NAV2: variants seen among roughly 807,000 people sequenced by gnomAD.
The protein encoded by NAV2 is neuron navigator 2, also known as helicase, APC down-regulated 1.
A neutral mutation model predicts 223.2 loss-of-function variants in NAV2; 54 were observed. The observed-to-expected ratio is 0.24, with a 90% CI of 0.19 to 0.30. The LOEUF (loss-of-function observed/expected upper bound fraction) is 0.30, where lower values mean the gene tolerates loss of function less well. Ranked by LOEUF, NAV2 falls within the 10% of genes least tolerant of loss-of-function variation. The pLI is 1.00. For synonymous variants in NAV2, 1,279 were observed against 1,239.3 expected (o/e 1.03, Z -0.67); for missense variants, 2,806 against 3,147.5 (o/e 0.89, Z 2.60).
At chr11:19,804,763 T>C (rs543536197) in intron 1 of NAV2, among the ~76,000 whole-genome samples, 1 of 152,210 alleles carries the variant, frequency 6.6e-6, no homozygotes, top group Non-Finnish European at 1.5e-5. Context: ...TGTTAGAGAA[T>C]TTAACATGTG....
chr11:19,902,831 GAC>G (rs943101043), intron 6 of NAV2, among the ~76,000 whole-genome samples: 29 of 152,296 alleles, frequency 1.9e-4, no homozygotes, highest in African/African-American at 6.3e-4. Flanking sequence ...TTAGGTATTT[GAC>G]AGTGTTCAAC....
chr11:19,475,462 CT>C, intron 1 of NAV2, among the ~76,000 whole-genome samples: 1 of 152,304 alleles, frequency 6.6e-6, no homozygotes. Flanking sequence ...TGTTCAGAGG[CT>C]TTTGTCCAGG....
intron 1 of NAV2, among the ~76,000 whole-genome samples, chr11:19,753,543 G>A (rs2054005727): frequency 6.6e-6 from 1 of 152,184 alleles, no homozygotes; most frequent in Admixed American, 6.5e-5. Context: ...TCTCTGGGTT[G>A]CAGTAACCTC....
At chr11:19,928,841 T>C (rs746274337) in intron 6 of NAV2, among the ~76,000 whole-genome samples, 9 of 151,792 alleles carry the variant, frequency 5.9e-5, no homozygotes, top group Non-Finnish European at 1.3e-4. Context: ...ACGCCATGAG[T>C]TGGGGACAAA....
intron 1 of NAV2, among the ~76,000 whole-genome samples, chr11:19,533,216 A>C (rs1416781166): frequency 6.6e-6 from 1 of 151,582 alleles, no homozygotes; most frequent in Non-Finnish European, 1.5e-5. Context: ...TAACCTCAGC[A>C]CAATTGACGT....
At chr11:19,542,795 A>G (rs528675519) in intron 1 of NAV2, among the ~76,000 whole-genome samples, 56 of 152,338 alleles carry the variant, frequency 3.7e-4, no homozygotes, top group African/African-American at 1.3e-3. Context: ...AAGTTTGTCA[A>G]AGGTCTTGAG....
At chr11:19,776,341 C>G (rs550806552) in intron 1 of NAV2, among the ~76,000 whole-genome samples, 1 of 152,248 alleles carries the variant, frequency 6.6e-6, no homozygotes, top group East Asian at 1.9e-4. Flanking sequence ...GGGGAGGTCC[C>G]CAGTCCTCAA....
intron 1 of NAV2, among the ~76,000 whole-genome samples, chr11:19,481,006 C>T (rs996328041): frequency 2.6e-5 from 4 of 152,146 alleles, no homozygotes; most frequent in Admixed American, 1.3e-4. Flanking sequence ...AGATGGCCTT[C>T]GTGAGACATC....
At chr11:19,495,343 G>A (rs1277654529) in intron 1 of NAV2, among the ~76,000 whole-genome samples, 1 of 152,200 alleles carries the variant, frequency 6.6e-6, no homozygotes, top group Non-Finnish European at 1.5e-5. Context: ...TCTAAAGGGA[G>A]TGACAGGCTA....
At chr11:20,013,928 G>A (rs1255597234) in intron 11 of NAV2, among the ~76,000 whole-genome samples, 1 of 152,214 alleles carries the variant, frequency 6.6e-6, no homozygotes, top group African/African-American at 2.4e-5. Context: ...GAAGTGATTT[G>A]GCCAAAGTCA....
At chr11:19,640,061 C>T (rs771490312) in intron 1 of NAV2, among the ~76,000 whole-genome samples, 2 of 152,178 alleles carry the variant, frequency 1.3e-5, no homozygotes, top group African/African-American at 2.4e-5. Context: ...AACGAAGAAA[C>T]CTACTAAGCA....
intron 6 of NAV2, among the ~76,000 whole-genome samples, chr11:19,915,185 T>C (rs1408488052): frequency 1.3e-5 from 2 of 152,226 alleles, no homozygotes; most frequent in Admixed American, 1.3e-4. Context: ...TTCTAGCCAC[T>C]GTGCTTTCAA....
At chr11:19,983,419 C>A (rs2050474459) in intron 10 of NAV2, among the ~76,000 whole-genome samples, 1 of 152,314 alleles carries the variant, frequency 6.6e-6, no homozygotes, top group Non-Finnish European at 1.5e-5. Context: ...TGGCAACCCC[C>A]TGAAAACATC....
intron 3 of NAV2, among the ~76,000 whole-genome samples, chr11:19,860,563 A>T (rs1447520674): frequency 1.3e-5 from 2 of 150,636 alleles, no homozygotes; most frequent in African/African-American, 4.9e-5. Flanking sequence ...AGCCAGGCAG[A>T]GGGGCTCCTC....
chr11:19,424,918 G>A (rs1376371471), intron 1 of NAV2, among the ~76,000 whole-genome samples: 6 of 152,116 alleles, frequency 3.9e-5, no homozygotes, highest in African/African-American at 2.4e-5. Context: ...AAGTATTTAG[G>A]TTAAATTGGA....
At chr11:19,410,213 T>G (rs1038378068) in intron 1 of NAV2, among the ~76,000 whole-genome samples, 8 of 152,184 alleles carry the variant, frequency 5.3e-5, no homozygotes, top group African/African-American at 1.9e-4. Flanking sequence ...GTTATAAAGG[T>G]GGCAAACTTT....
intron 1 of NAV2, among the ~76,000 whole-genome samples, chr11:19,369,581 A>G (rs1281363038): frequency 6.6e-6 from 1 of 152,146 alleles, no homozygotes; most frequent in Non-Finnish European, 1.5e-5. Context: ...TGACTTCCTC[A>G]GAGATTTTCT....
intron 1 of NAV2, among the ~76,000 whole-genome samples, chr11:19,405,032 G>C (rs189250785): frequency 6.6e-6 from 1 of 152,118 alleles, no homozygotes; most frequent in African/African-American, 2.4e-5. Flanking sequence ...GAGGCAAAAG[G>C]CAGCTAACTT....
At chr11:19,725,603 T>C (rs1232820387) in intron 1 of NAV2, among the ~76,000 whole-genome samples, 1 of 152,230 alleles carries the variant, frequency 6.6e-6, no homozygotes, top group Admixed American at 6.5e-5. Context: ...GCTTTCCTCT[T>C]TGGTCCTTGC....
Sources: allele counts gnomAD v4.1 joint callset (sites outside exome capture counted in the v4.1 genomes callset), GRCh38; gene constraint gnomAD v4.1.1; transcripts MANE v1.5; gene names NCBI Gene and HGNC (gene_info 2026-07-23, HGNC 2026-07-21).